The following RP1 variants were observed in gnomAD, a reference collection of about 807,000 sequenced individuals.
RP1 encodes the protein oxygen-regulated protein 1.
RP1 carries 16 observed loss-of-function variants against 14.8 expected under a neutral mutation model. The ratio of observed to expected loss-of-function variants is 1.08; its 90% CI spans 0.73 to 1.65. The LOEUF (loss-of-function observed/expected upper bound fraction) is 1.65. Ranked by LOEUF, RP1 falls within the 40% of genes most tolerant of loss-of-function variation. The probability of loss-of-function intolerance (pLI) is 0.00; values close to 1 mark genes in which losing one functional copy is unlikely to be tolerated. For missense variants in RP1, 2,631 were observed against 2,535.0 expected, an observed-to-expected ratio of 1.04 and a Z score of -0.81; for synonymous variants, 876 against 883.6, an observed-to-expected ratio of 0.99 and a Z score of 0.15.
intron 1 of RP1, among the ~76,000 whole-genome samples, chr8:54,609,360 T>C (rs1370508669): frequency 6.6e-6 from 1 of 151,936 alleles, no homozygotes; most frequent in Non-Finnish European, 1.5e-5. Flanking sequence ...AGGTTTAGGC[T>C]GGAGCATCAC....
At chr8:54,651,717 G>A (rs1239829119) in intron 4 of RP1, among the ~76,000 whole-genome samples, 1 of 151,848 alleles carries the variant, frequency 6.6e-6, no homozygotes, top group African/African-American at 2.4e-5. Flanking sequence ...AATTTATTTT[G>A]TTGTTTTTAT....
intron 24 of RP1, among the ~76,000 whole-genome samples, chr8:54,790,954 A>C (rs1273860524): frequency 6.6e-6 from 1 of 152,226 alleles, no homozygotes; most frequent in African/African-American, 2.4e-5. Context: ...TGATTACTGA[A>C]AACCTTGCAA....
intron 4 of RP1, among the ~76,000 whole-genome samples, chr8:54,650,588 G>C (rs907416678): frequency 2.0e-5 from 3 of 151,670 alleles, no homozygotes; most frequent in African/African-American, 7.3e-5. Context: ...ACTCCCTGTT[G>C]CCTTTCTACC....
Position 54,738,209 on chromosome 8 carries a change from A to T in RP1, c.2722-734A>T, listed in dbSNP as rs985532494. Among the ~76,000 whole-genome samples, 5 of 152,224 alleles carry T rather than the reference A, an allele frequency of 3.3e-5. No individual in the cohort carries two copies. In the East Asian group the frequency reaches 7.7e-4, roughly 23 times the overall value. ...TTTATGCAGAAAGCATTATGTGACC[A>T]TTCAACAGATAAAGAAATTGAAGAT... is the stretch of plus-strand genomic sequence containing the variant. On this transcript the variant is annotated intron_variant, in intron 18 of 22. Transcript: ENST00000636932.
At chr8:54,668,388 A>T (rs1051985860) in intron 7 of RP1, among the ~76,000 whole-genome samples, 2 of 152,194 alleles carry the variant, frequency 1.3e-5, no homozygotes, top group African/African-American at 4.8e-5. Context: ...ACACAAACAA[A>T]TGGAAGAACA....
chr8:54,831,401 C>CTTTTTTTTTTTTT (rs368455444), intron 24 of RP1, among the ~76,000 whole-genome samples: 1 of 102,716 alleles, frequency 9.7e-6, no homozygotes, highest in Non-Finnish European at 1.9e-5. Flanking sequence ...CCTATTGTTT[C>CTTTTTTTTTTTTT]TTTTTTTTTT....
intron 1 of RP1, among the ~76,000 whole-genome samples, chr8:54,576,503 G>T (rs1309710219): frequency 6.6e-6 from 1 of 152,216 alleles, no homozygotes; most frequent in Non-Finnish European, 1.5e-5. Context: ...ATGCTTTAAA[G>T]ATGTTCTTCA....
intron 15 of RP1, chr8:54,706,731 T>C: frequency 1.4e-6 from 2 of 1,437,784 alleles, no homozygotes; most frequent in Non-Finnish European, 1.9e-6. Flanking sequence ...TAGCACTTTC[T>C]GAGTGGGTTT....
At chr8:54,590,641 T>C (rs1805025628) in intron 1 of RP1, among the ~76,000 whole-genome samples, 1 of 152,230 alleles carries the variant, frequency 6.6e-6, no homozygotes, top group Non-Finnish European at 1.5e-5. Context: ...CTCTTCTCTT[T>C]CGTTTTTAAA....
In RP1 at chr8:54,673,538, G is replaced by A. The variant is rs573529391; in HGVS notation, c.1324-312G>A. ...GCGGATTGCTTGAACCCAGGAGTTT[G>A]AGACCAGCCTGGGCAACATAGCCAA... On this transcript the variant is annotated intron_variant, in intron 7 of 22. Coordinates refer to the RP1 transcript ENST00000636932. Among the ~76,000 whole-genome samples, 7 of 152,216 alleles carry A rather than the reference G, an allele frequency of 4.6e-5. No individual in the cohort carries two copies. The East Asian group carries it at 1.2e-3, about 25-fold the overall frequency.
downstream of RP1, among the ~76,000 whole-genome samples, chr8:54,632,455 C>T (rs1806266694): frequency 6.6e-6 from 1 of 152,192 alleles, no homozygotes; most frequent in South Asian, 2.1e-4. Flanking sequence ...TGAACGTGTT[C>T]ACATGCATTG....
intron 15 of RP1, among the ~76,000 whole-genome samples, chr8:54,710,311 C>T (rs904180828): frequency 6.6e-6 from 1 of 152,236 alleles, no homozygotes; most frequent in Non-Finnish European, 1.5e-5. Flanking sequence ...AAAAACTGGC[C>T]AGCTGCTTTA....
chr8:54,828,882 C>CTTTTTTTT lies in RP1; in HGVS notation c.3616-8548_3616-8541dup, dbSNP rs201534661. Among the ~76,000 whole-genome samples, 237 of 83,944 alleles carry CTTTTTTTT rather than the reference C, an allele frequency of 2.8e-3. 7 individuals carry two copies. Among genetic ancestry groups the CTTTTTTTT allele is most frequent in the Non-Finnish European group, 3.4e-3 (155 of 45,670 alleles). The allele number at this position is 83,944 out of a possible 152,430, so 55.1% of individuals were successfully genotyped here. On this transcript the variant is annotated intron_variant, in intron 24 of 28. Transcript: ENST00000637698. ...TTCTTTCTTCTTTCTTCTTCTTCTTCTTTTTTTTTTTTTTTTTTTTTTTTT... is the reference window on the plus strand; with the variant it reads ...TTCTTTCTTCTTTCTTCTTCTTCTTCTTTTTTTTTTTTTTTTTTTTTTTTTTTTTTTTT...
chr8:54,608,310 A>G (rs1170014979), intron 1 of RP1, among the ~76,000 whole-genome samples: 1 of 151,764 alleles, frequency 6.6e-6, no homozygotes, highest in Admixed American at 6.6e-5. Context: ...TCCACTTTAA[A>G]TGGGTTAATT....
At chr8:54,686,967 C>T (rs537196694) in intron 12 of RP1, among the ~76,000 whole-genome samples, 21 of 152,078 alleles carry the variant, frequency 1.4e-4, no homozygotes, top group African/African-American at 1.9e-4. Flanking sequence ...AGATTATCTC[C>T]GTATTGATTT....
At chr8:54,566,049 T>A (rs1212326490) in intron 1 of RP1, among the ~76,000 whole-genome samples, 1 of 151,062 alleles carries the variant, frequency 6.6e-6, no homozygotes, top group Non-Finnish European at 1.5e-5. Context: ...TCCTCTTTTA[T>A]AAGGACACAG....
At chr8:54,599,196 A>G (rs1336912804) in intron 1 of RP1, among the ~76,000 whole-genome samples, 1 of 152,006 alleles carries the variant, frequency 6.6e-6, no homozygotes, top group South Asian at 2.1e-4. Context: ...CTTCAAGATA[A>G]CTATATAATT....
chr8:54,799,127 A>T (rs1386727168), intron 24 of RP1, among the ~76,000 whole-genome samples: 1 of 152,054 alleles, frequency 6.6e-6, no homozygotes, highest in Non-Finnish European at 1.5e-5. Context: ...TTTAAAGATG[A>T]AATCTTGAAA....
At chr8:54,736,127 G>A (rs897278246) in intron 18 of RP1, among the ~76,000 whole-genome samples, 4 of 152,138 alleles carry the variant, frequency 2.6e-5, no homozygotes, top group Admixed American at 6.5e-5. Context: ...ACTGCAAATC[G>A]GATGAGCTAG....
Sources: allele counts gnomAD v4.1 joint callset (sites outside exome capture counted in the v4.1 genomes callset), GRCh38; gene constraint gnomAD v4.1.1; transcripts MANE v1.5; gene names NCBI Gene and HGNC (gene_info 2026-07-23, HGNC 2026-07-21).